KLHL5: variants seen among roughly 807,000 people sequenced by gnomAD.
KLHL5 encodes kelch-like protein 5.
A neutral mutation model predicts 77.7 loss-of-function variants in KLHL5; 48 were observed. The observed-to-expected ratio is 0.62, with a 90% confidence interval of 0.49 to 0.79. The LOEUF (loss-of-function observed/expected upper bound fraction) is 0.79, where lower values mean the gene tolerates loss of function less well. Ranked by LOEUF, KLHL5 falls within the 30% of genes least tolerant of loss-of-function variation. KLHL5 has a pLI of 0.00. For missense variants in KLHL5, 723 were observed against 859.7 expected (o/e 0.84, Z 1.99); for synonymous variants, 260 against 297.0 (o/e 0.88, Z 1.28).
chr4:39,126,354 G>A (rs1246417739), downstream of KLHL5, among the ~76,000 whole-genome samples: 1 of 152,104 alleles, frequency 6.6e-6, no homozygotes, highest in Non-Finnish European at 1.5e-5. Context: ...GAACTTATAT[G>A]AACGCACCAC....
In KLHL5 at chr4:39,113,134, C is replaced by T. The variant is rs552179016; in HGVS notation, c.1803C>T (p.Gly601=). ...CACAGATGTCAAAAAGGAGAGGTGGCGTAGGAGTGACGACCTGGAATGGAC... is the reference window on the plus strand; with the variant it reads ...CACAGATGTCAAAAAGGAGAGGTGGTGTAGGAGTGACGACCTGGAATGGAC... ...LCAQMSKRRG[G]VGVTTWNGLL... is the part of the protein sequence containing the mutation. Residue 601 remains glycine, a synonymous_variant, in exon 9 of 11, where the codon GGC becomes GGT. Transcript: ENST00000504108. The T allele has an allele frequency of 1.1e-5, 18 of 1,613,984 alleles. No homozygotes were observed. Among genetic ancestry groups the T allele is most frequent in the South Asian group, 3.3e-5 (3 of 91,080 alleles).
In KLHL5 at chr4:39,086,709, A is replaced by G; in HGVS notation, c.1095A>G (p.Leu365=). The change falls in exon 5 of 11, where the codon CTA becomes CTG. Residue 365 remains leucine, a synonymous_variant. Transcript: ENST00000504108. ...GTAAACTTTTGGCTTATATTAGGCT[A>G]CCTCTTCTTGCACCACAGGTAATTA... ...DLSKLLAYIR[L]PLLAPQFLAD... is the part of the protein sequence containing the mutation. The G allele has an allele frequency of 6.2e-7, 1 of 1,613,350 alleles. No individual in the cohort carries two copies. The highest frequency in any genetic ancestry group is 8.5e-7 in the Non-Finnish European group (1 of 1,179,478).
At chr4:39,075,473 T>G (rs1422969781) in intron 1 of KLHL5, among the ~76,000 whole-genome samples, 1 of 152,248 alleles carries the variant, frequency 6.6e-6, no homozygotes, top group East Asian at 1.9e-4. Context: ...TACCTGGGCT[T>G]TTGAGGACTG....
At chr4:39,126,654 A>G (rs1272140032), downstream of KLHL5, 7 of 449,070 alleles carry the variant, frequency 1.6e-5, no homozygotes, top group Middle Eastern at 3.3e-4. Context: ...CCATTTGACC[A>G]TATTTCTTTG....
At position 39,081,611 on chromosome 4, in the gene KLHL5, G is replaced by C. The variant is rs1719625753; in HGVS notation, c.704-352G>C. On this transcript the variant is annotated intron_variant, in intron 3 of 10. Transcript: ENST00000504108. The surrounding 1 kb of genome is among the most constrained non-coding windows in gnomAD (Gnocchi z 4.3). ...TTGAGCCCAGGAGTTCGATGCTGCA[G>C]TGAGCCATTGGTTACACCACTGCAC... 1.3e-5 allele frequency among the ~76,000 whole-genome samples: 2 copies of C among 151,628 alleles called. No homozygotes were observed. Among genetic ancestry groups the C allele is most frequent in the African/African-American group, 4.9e-5 (2 of 41,216 alleles).
chr4:39,139,899 G>A, the KLHL5 span, among the ~76,000 whole-genome samples: 18 of 152,118 alleles, frequency 1.2e-4, no homozygotes, highest in Non-Finnish European at 2.5e-4. Context: ...TGAGATCTGA[G>A]GAAAGACTGA....
intron 6 of KLHL5, among the ~76,000 whole-genome samples, chr4:39,097,790 G>T (rs1721196579): frequency 6.6e-6 from 1 of 152,136 alleles, no homozygotes; most frequent in Non-Finnish European, 1.5e-5. Flanking sequence ...TGAGACAAAT[G>T]ATAAAATCCA....
At chr4:39,093,125 G>A (rs1282472337) in intron 5 of KLHL5, 3 of 455,832 alleles carry the variant, frequency 6.6e-6, no homozygotes, top group African/African-American at 2.0e-5. Flanking sequence ...CTGGTGAATG[G>A]ATAGATAAAA....
At chr4:39,064,149 T>C (rs1717680011) in intron 1 of KLHL5, among the ~76,000 whole-genome samples, 1 of 152,168 alleles carries the variant, frequency 6.6e-6, no homozygotes, top group East Asian at 1.9e-4. Flanking sequence ...TACCACCTTT[T>C]CCTCTTCTAA....
At chr4:39,112,337 A>AATT (rs137859205) in intron 8 of KLHL5, among the ~76,000 whole-genome samples, 1 of 152,306 alleles carries the variant, frequency 6.6e-6, no homozygotes, top group East Asian at 1.9e-4. Flanking sequence ...ATACATAACA[A>AATT]ATGTTACTTT....
intron 10 of KLHL5, among the ~76,000 whole-genome samples, chr4:39,119,046 G>C: frequency 6.6e-6 from 1 of 152,102 alleles, no homozygotes; most frequent in Non-Finnish European, 1.5e-5. Context: ...GACACCCAAG[G>C]AGCTCAGAAA....
intron 4 of KLHL5, 128 bp downstream of exon 4, chr4:39,082,287 A>G: frequency 1.4e-6 from 1 of 715,700 alleles, no homozygotes; most frequent in Non-Finnish European, 2.3e-6. Flanking sequence ...TTCATTGCCT[A>G]GTGTGTCATA....
At chr4:39,106,885 A>G (rs1722074552) in intron 7 of KLHL5, among the ~76,000 whole-genome samples, 1 of 148,424 alleles carries the variant, frequency 6.7e-6, no homozygotes, top group South Asian at 2.2e-4. Flanking sequence ...ACTATAGGTG[A>G]TGCCATCACG....
rs749372424 is a variant in KLHL5 at position 39,062,882 on chromosome 4, A to G, written c.230A>G (p.Gln77Arg). ...GYRRSSQLDF[Q>R]NSPSWPMAST... is the part of the protein sequence containing the mutation. ...CGAAGGTCCAGCCAACTGGATTTTC[A>G]GAATTCACCTTCTTGGCCAATGGCA... The change falls in exon 1 of 11, where the codon CAG becomes CGG. Residue 77 changes from glutamine to arginine, a missense_variant. This residue lies in a region of KLHL5 where 221 missense variants were observed against 222.1 expected (regional missense o/e 1.00). Coordinates refer to ENST00000504108, the MANE Select transcript of KLHL5 (RefSeq NM_015990.5). The G allele has an allele frequency of 1.2e-6, 2 of 1,614,220 alleles. No homozygotes were observed. Among genetic ancestry groups the G allele is most frequent in the African/African-American group, 2.7e-5 (2 of 75,068 alleles).
At chr4:39,127,785 A>G (rs1723617359), downstream of KLHL5, among the ~76,000 whole-genome samples, 1 of 152,120 alleles carries the variant, frequency 6.6e-6, no homozygotes, top group Admixed American at 6.6e-5. Flanking sequence ...TTGTGGAAGG[A>G]AAGAGGTCCC....
At chr4:39,084,232 G>A (rs1283201075) in intron 4 of KLHL5, among the ~76,000 whole-genome samples, 1 of 152,134 alleles carries the variant, frequency 6.6e-6, no homozygotes, top group East Asian at 1.9e-4. Context: ...GTGGACTGGG[G>A]ATGTTCACTG....
upstream of KLHL5, among the ~76,000 whole-genome samples, chr4:39,058,097 A>G (rs968075153): frequency 2.0e-5 from 3 of 152,308 alleles, no homozygotes; most frequent in African/African-American, 7.2e-5. Context: ...GACACATATT[A>G]TCTATTTTAA....
intron 10 of KLHL5, chr4:39,115,575 T>C: frequency 1.4e-6 from 2 of 1,447,968 alleles, no homozygotes; most frequent in Non-Finnish European, 1.8e-6. Context: ...ACCACTTGCA[T>C]GATGAAGTGT....
intron 7 of KLHL5, among the ~76,000 whole-genome samples, chr4:39,105,597 GTGTA>G (rs1351915348): frequency 6.6e-6 from 1 of 150,992 alleles, no homozygotes; most frequent in Non-Finnish European, 1.5e-5. Flanking sequence ...TATACAGTAT[GTGTA>G]TATATTATAT....
Sources: gnomAD v4.1 joint callset for allele counts (sites outside exome capture counted in the v4.1 genomes callset) on GRCh38, gnomAD v4.1.1 for gene constraint, gnomAD v4.1.1 regional missense constraint, Gnocchi (gnomAD v3.1) non-coding constraint, MANE v1.5 for transcripts, NCBI Gene and HGNC (gene_info 2026-07-23, HGNC 2026-07-21) for gene names.